DOCK10: variants seen among roughly 807,000 people sequenced by gnomAD.
DOCK10 encodes dedicator of cytokinesis protein 10.
In DOCK10, 145 loss-of-function variants were observed where a neutral mutation model predicts 280.1. That is an observed-to-expected ratio of 0.52 (90% CI 0.45 to 0.59). The LOEUF is 0.59. Among genes scored for constraint, DOCK10 ranks in the 20% least tolerant of loss-of-function variants. DOCK10 has a pLI of 0.00. For synonymous variants in DOCK10, 915 were observed against 942.2 expected (o/e 0.97, Z 0.53); for missense variants, 2,368 against 2,651.7 (o/e 0.89, Z 2.35).
intron 1 of DOCK10, among the ~76,000 whole-genome samples, chr2:225,020,876 T>C (rs1199306981): frequency 6.6e-6 from 1 of 152,214 alleles, no homozygotes; most frequent in South Asian, 2.1e-4. Flanking sequence ...TGAAAGAAAA[T>C]TCATAAATGT....
chr2:224,957,719 A>C (rs1217676266), intron 1 of DOCK10, among the ~76,000 whole-genome samples: 4 of 152,148 alleles, frequency 2.6e-5, no homozygotes, highest in African/African-American at 9.7e-5. Context: ...CTGTCCTTCA[A>C]ATCAGTGCCC....
intron 4 of DOCK10, 148 bp downstream of exon 4, chr2:224,896,147 T>C: frequency 2.2e-6 from 1 of 462,944 alleles, no homozygotes; most frequent in Non-Finnish European, 3.8e-6. Context: ...GAACAAAATG[T>C]CCTATCTTGA....
At chr2:224,915,747 A>G (rs1020956814) in intron 3 of DOCK10, among the ~76,000 whole-genome samples, 4 of 152,224 alleles carry the variant, frequency 2.6e-5, no homozygotes, top group Non-Finnish European at 5.9e-5. Context: ...ATTTTCTATA[A>G]GGAAAGGATA....
chr2:224,797,687 G>A, intron 42 of DOCK10, 145 bp downstream of exon 42: 1 of 879,124 alleles, frequency 1.1e-6, no homozygotes, highest in Non-Finnish European at 1.7e-6. Context: ...TTTGAGACCA[G>A]GAATCAATGT....
intron 4 of DOCK10, among the ~76,000 whole-genome samples, chr2:224,888,087 G>T (rs947859307): frequency 6.6e-6 from 1 of 152,040 alleles, no homozygotes; most frequent in Non-Finnish European, 1.5e-5. Flanking sequence ...AGATAAAGTC[G>T]CCAGCTTATA....
chr2:224,827,486 C>A (rs1383317988), intron 27 of DOCK10, among the ~76,000 whole-genome samples: 1 of 152,034 alleles, frequency 6.6e-6, no homozygotes, highest in Non-Finnish European at 1.5e-5. Flanking sequence ...AGGCTGCTCA[C>A]AGGTGTGTTT....
chr2:225,000,750 C>G (rs1706409113), intron 1 of DOCK10, among the ~76,000 whole-genome samples: 1 of 152,190 alleles, frequency 6.6e-6, no homozygotes, highest in Admixed American at 6.5e-5. Context: ...GAGCCTGAGA[C>G]AGGAGAATCA....
chr2:224,777,637 A>G (rs900411509), intron 51 of DOCK10, among the ~76,000 whole-genome samples: 1 of 152,200 alleles, frequency 6.6e-6, no homozygotes, highest in Non-Finnish European at 1.5e-5. Flanking sequence ...GTTTTGGGAC[A>G]CAAAACTGGT....
At chr2:224,980,599 A>G (rs963487519) in intron 1 of DOCK10, among the ~76,000 whole-genome samples, 4 of 152,218 alleles carry the variant, frequency 2.6e-5, no homozygotes, top group Non-Finnish European at 5.9e-5. Flanking sequence ...CAAGATGCAC[A>G]ATGACTTTGT....
intron 28 of DOCK10, among the ~76,000 whole-genome samples, chr2:224,821,712 GTTTC>G (rs1454371221): frequency 6.6e-6 from 1 of 151,936 alleles, no homozygotes; most frequent in Admixed American, 6.6e-5. Flanking sequence ...TATTTCAGAT[GTTTC>G]TTTCAATATA....
Position 224,786,239 on chromosome 2 carries a change from CT to C in DOCK10, c.5655+782del, listed in dbSNP as rs1171881469. On this transcript the variant is annotated intron_variant, in intron 50 of 55. Coordinates refer to ENST00000258390, the MANE Select transcript of DOCK10 (RefSeq NM_014689.3). The surrounding 1 kb of genome is among the most constrained non-coding windows in gnomAD (Gnocchi z 4.7). ...GAGGAAGTGTGAGGTCTGAGAGCCA[CT>C]GCCATTCCGAAAATAAAAGCATGGG... Among the ~76,000 whole-genome samples, 1 of 152,198 alleles carries C rather than the reference CT, an allele frequency of 6.6e-6. No homozygotes were observed. The highest frequency in any genetic ancestry group is 2.4e-5 in the African/African-American group (1 of 41,460).
At chr2:224,862,067 G>A (rs1697537874) in intron 14 of DOCK10, 1 of 152,298 alleles carries the variant, frequency 6.6e-6, no homozygotes, top group African/African-American at 2.4e-5. Context: ...AAGCAATTAT[G>A]GTTCTTCATG....
intron 1 of DOCK10, among the ~76,000 whole-genome samples, chr2:225,008,534 C>A (rs1689342597): frequency 6.6e-6 from 1 of 152,096 alleles, no homozygotes; most frequent in African/African-American, 2.4e-5. Flanking sequence ...GTAGGCTAAC[C>A]AAAATATCAC....
At chr2:224,943,650 T>C (rs1703218418) in intron 1 of DOCK10, among the ~76,000 whole-genome samples, 1 of 152,204 alleles carries the variant, frequency 6.6e-6, no homozygotes, top group Non-Finnish European at 1.5e-5. Flanking sequence ...AGGTCTCATC[T>C]TTATTTGTTG....
intron 1 of DOCK10, among the ~76,000 whole-genome samples, chr2:224,994,583 A>G (rs1706216336): frequency 1.3e-5 from 2 of 152,216 alleles, no homozygotes; most frequent in African/African-American, 4.8e-5. Flanking sequence ...AGCAGCTTCT[A>G]TCTTAGTATG....
intron 22 of DOCK10, among the ~76,000 whole-genome samples, chr2:224,842,107 A>G (rs1455615045): frequency 6.6e-6 from 1 of 152,138 alleles, no homozygotes; most frequent in African/African-American, 2.4e-5. Context: ...TCTCTCTTCT[A>G]TTTCATTCTA....
chr2:224,907,904 T>A (rs550591140), intron 3 of DOCK10, among the ~76,000 whole-genome samples: 1 of 152,324 alleles, frequency 6.6e-6, no homozygotes, highest in Non-Finnish European at 1.5e-5. Flanking sequence ...ACATTAGCAT[T>A]TCTCAAAGGT....
chr2:224,820,126 C>A (rs1694411204), intron 28 of DOCK10, among the ~76,000 whole-genome samples: 1 of 152,186 alleles, frequency 6.6e-6, no homozygotes, highest in South Asian at 2.1e-4. Flanking sequence ...GACAGAGTAG[C>A]TCCTCTCCTT....
In DOCK10 at chr2:224,931,661, T is replaced by G; in HGVS notation, c.131A>C (p.Lys44Thr). 3 of 1,602,466 alleles carry G rather than the reference T, an allele frequency of 1.9e-6. No individual in the cohort carries two copies. The highest frequency in any genetic ancestry group is 2.6e-6 in the Non-Finnish European group (3 of 1,174,360). ...VSSRQQQRQE[K>T]PRLLEPLDYE... Reference sequence around the variant, plus strand: ...ATCCAAAGGCTCGAGAAGCCTAGGCTTTTCTTGCTGTAGAAAAAGAAAATA... The same window carrying G: ...ATCCAAAGGCTCGAGAAGCCTAGGCGTTTCTTGCTGTAGAAAAAGAAAATA... The change falls in exon 2 of 56, where the codon AAG (lysine) becomes ACG (threonine). Residue 44 changes from lysine to threonine, a missense_variant. Lys to Thr is a moderately conservative substitution (Grantham distance 78). This residue lies in a region of DOCK10 where 1,209 missense variants were observed against 1,250.9 expected (regional missense o/e 0.97). Coordinates refer to ENST00000258390, the MANE Select transcript of DOCK10 (RefSeq NM_014689.3).
Sources: allele counts gnomAD v4.1 joint callset (sites outside exome capture counted in the v4.1 genomes callset), GRCh38; gene constraint gnomAD v4.1.1; regional missense constraint gnomAD v4.1.1; non-coding constraint Gnocchi (gnomAD v3.1); transcripts MANE v1.5; gene names NCBI Gene and HGNC (gene_info 2026-07-23, HGNC 2026-07-21).